PKHD1: variants seen among roughly 807,000 people sequenced by gnomAD.
The protein encoded by PKHD1 is PKHD1 ciliary IPT domain containing fibrocystin/polyductin.
In PKHD1, 291 loss-of-function variants were observed where a neutral mutation model predicts 412.0. The ratio of observed to expected loss-of-function variants is 0.71; its 90% CI spans 0.64 to 0.78. PKHD1 has a LOEUF of 0.78. Among genes scored for constraint, PKHD1 ranks in the 30% least tolerant of loss-of-function variants. PKHD1 has a pLI of 0.00. For synonymous variants in PKHD1, 1,777 were observed against 1,821.5 expected (o/e 0.98, Z 0.62); for missense variants, 4,825 against 4,950.7 (o/e 0.97, Z 0.76).
intron 53 of PKHD1, among the ~76,000 whole-genome samples, chr6:51,784,106 A>G (rs1181175767): frequency 6.6e-6 from 1 of 152,192 alleles, no homozygotes; most frequent in African/African-American, 2.4e-5. Context: ...CTATCATATA[A>G]TGGAGATAGG....
At chr6:51,835,534 G>A (rs1769054303) in intron 51 of PKHD1, among the ~76,000 whole-genome samples, 1 of 152,084 alleles carries the variant, frequency 6.6e-6, no homozygotes, top group African/African-American at 2.4e-5. Flanking sequence ...CCCACACCTT[G>A]CATAAAAGGC....
chr6:51,795,066 C>A (rs920811749), intron 52 of PKHD1, among the ~76,000 whole-genome samples: 8 of 152,194 alleles, frequency 5.3e-5, no homozygotes, highest in African/African-American at 1.9e-4. Context: ...TGTGAAGAAT[C>A]TTAATGGTAG....
chr6:51,696,838 A>G (rs1778858323), intron 60 of PKHD1, among the ~76,000 whole-genome samples: 1 of 152,180 alleles, frequency 6.6e-6, no homozygotes, highest in African/African-American at 2.4e-5. Flanking sequence ...ATCCTTGAAA[A>G]TTAACTGTAA....
chr6:51,648,580 C>G (rs1005193681), intron 62 of PKHD1, among the ~76,000 whole-genome samples: 3 of 152,134 alleles, frequency 2.0e-5, no homozygotes, highest in Non-Finnish European at 4.4e-5. Flanking sequence ...TCATAGTTCA[C>G]TGTGAATTTT....
chr6:51,920,952 T>C (rs1050659037), intron 37 of PKHD1, among the ~76,000 whole-genome samples: 2 of 152,242 alleles, frequency 1.3e-5, no homozygotes, highest in African/African-American at 4.8e-5. Flanking sequence ...TATATTTCTG[T>C]GGGATAGGTG....
At chr6:51,821,584 T>C (rs1766432171) in intron 52 of PKHD1, among the ~76,000 whole-genome samples, 1 of 152,240 alleles carries the variant, frequency 6.6e-6, no homozygotes, top group South Asian at 2.1e-4. Flanking sequence ...ACCTCCAGGA[T>C]TGAACTCATT....
chr6:51,798,003 C>T (rs1794861298), intron 52 of PKHD1, among the ~76,000 whole-genome samples: 1 of 152,050 alleles, frequency 6.6e-6, no homozygotes, highest in Admixed American at 6.6e-5. Context: ...TCTGGTGGTG[C>T]CAAATTCCCT....
At chr6:51,967,912 A>G (rs1793073373) in intron 35 of PKHD1, among the ~76,000 whole-genome samples, 1 of 152,228 alleles carries the variant, frequency 6.6e-6, no homozygotes, top group Non-Finnish European at 1.5e-5. Flanking sequence ...CCATGACGGC[A>G]CTGCCTTCGA....
At chr6:51,987,056 G>A (rs866858472) in intron 35 of PKHD1, among the ~76,000 whole-genome samples, 2 of 152,164 alleles carry the variant, frequency 1.3e-5, no homozygotes, top group Non-Finnish European at 2.9e-5. Flanking sequence ...GATTAATGCC[G>A]ATTGTGACTA....
chr6:51,872,602 T>C lies in PKHD1; in HGVS notation c.7351-1963A>G, dbSNP rs144913277. ...TTTTGTACTTTTAGTAGAGACAGGG[T>C]TTTGCCATGTTGGCCAGGCAGGTCT... On this transcript the variant is annotated intron_variant, in intron 46 of 66. Coordinates refer to ENST00000371117, the MANE Select transcript of PKHD1 (RefSeq NM_138694.4). 7.5e-3 allele frequency among the ~76,000 whole-genome samples: 1,148 copies of C among 152,098 alleles called. 16 individuals are homozygous for C. Among genetic ancestry groups the C allele is most frequent in the African/African-American group, 0.027 (1,100 of 41,470 alleles).
At chr6:51,836,621 T>C (rs1250006413) in intron 50 of PKHD1, 152 bp from the exon 51 acceptor site, 7 of 664,712 alleles carry the variant, frequency 1.1e-5, no homozygotes, top group Non-Finnish European at 1.9e-5. Flanking sequence ...AATCTAACAA[T>C]TGATTTCCAA....
intron 43 of PKHD1, among the ~76,000 whole-genome samples, chr6:51,901,763 A>T (rs1011899807): frequency 2.6e-5 from 4 of 152,090 alleles, no homozygotes; most frequent in African/African-American, 4.8e-5. Flanking sequence ...AATCTACATT[A>T]CCAGTTTAAC....
At chr6:51,678,154 T>C (rs192265706) in intron 60 of PKHD1, among the ~76,000 whole-genome samples, 119 of 152,240 alleles carry the variant, frequency 7.8e-4, no homozygotes, top group Non-Finnish European at 1.4e-3. Flanking sequence ...AGATCAGATT[T>C]TAAAGTCAGA....
rs79374263 is a variant in PKHD1, at chr6:51,812,119, C to T, written c.8302+18742G>A. Reference sequence around the variant, plus strand: ...GACACACCTGGATTTACATCCCGCTCGGTCCCTTTGTAGCTGTGGGACCCA... The same window carrying T: ...GACACACCTGGATTTACATCCCGCTTGGTCCCTTTGTAGCTGTGGGACCCA... On this transcript the variant is annotated intron_variant, in intron 52 of 66. Coordinates refer to ENST00000371117, the MANE Select transcript of PKHD1 (RefSeq NM_138694.4). Among the ~76,000 whole-genome samples the T allele has an allele frequency of 1.0e-3, 153 of 152,202 alleles. 2 individuals carry two copies. In the East Asian group the frequency reaches 0.017, roughly 17 times the overall value.
intron 45 of PKHD1, among the ~76,000 whole-genome samples, chr6:51,884,743 TTCC>T (rs1777933345): frequency 6.6e-6 from 1 of 152,152 alleles, no homozygotes; most frequent in African/African-American, 2.4e-5. Flanking sequence ...ACTAGATTAT[TTCC>T]TCTAGAACCA....
chr6:52,024,779 G>T lies in PKHD1; in HGVS notation c.5031C>A (p.Ile1677=). 6.2e-7 allele frequency: 1 copy of T among 1,614,174 alleles called. No homozygotes were observed. Among genetic ancestry groups the T allele is most frequent in the Non-Finnish European group, 8.5e-7 (1 of 1,180,002 alleles). The change falls in exon 32 of 67, where the codon ATC becomes ATA. Residue 1677 remains isoleucine, a synonymous_variant. Transcript: ENST00000371117. ...DDILTFAVAQ[I]SGAANIDIFI... ...AAATGTCAATGTTTGCAGCTCCTGA[G>T]ATCTGGGCCACTGCAAAGGTTAAGA...
At chr6:51,960,090 G>T in intron 35 of PKHD1, 64 bp from the exon 36 acceptor site, 1 of 1,529,320 alleles carries the variant, frequency 6.5e-7, no homozygotes. Flanking sequence ...TGCTTCGTTG[G>T]TTGGTTCGCT....
chr6:51,643,950 T>A (rs1326468580), intron 63 of PKHD1, among the ~76,000 whole-genome samples: 2 of 151,800 alleles, frequency 1.3e-5, no homozygotes, highest in African/African-American at 4.8e-5. Context: ...ATTAGATGGG[T>A]TAAAAAAAAT....
chr6:51,995,005 G>A (rs1797555678), intron 35 of PKHD1, among the ~76,000 whole-genome samples: 1 of 152,154 alleles, frequency 6.6e-6, no homozygotes, highest in African/African-American at 2.4e-5. Flanking sequence ...TAACTTACCA[G>A]GAATCTAAAA....
Sources: allele counts gnomAD v4.1 joint callset (sites outside exome capture counted in the v4.1 genomes callset), GRCh38; gene constraint gnomAD v4.1.1; transcripts MANE v1.5; gene names NCBI Gene and HGNC (gene_info 2026-07-23, HGNC 2026-07-21).